RASGRF2: variants seen among roughly 807,000 people sequenced by gnomAD.
The protein encoded by RASGRF2 is Ras protein specific guanine nucleotide releasing factor 2, also known as ras-specific guanine nucleotide-releasing factor 2.
A neutral mutation model predicts 151.0 loss-of-function variants in RASGRF2; 76 were observed. That is an observed-to-expected ratio of 0.50 (90% CI 0.42 to 0.61). The LOEUF (loss-of-function observed/expected upper bound fraction) is 0.61. Among genes scored for constraint, RASGRF2 ranks in the 20% least tolerant of loss-of-function variants. The probability of loss-of-function intolerance (pLI) is 0.00; values close to 1 mark genes in which losing one functional copy is unlikely to be tolerated. For synonymous variants in RASGRF2, 504 were observed against 566.5 expected (o/e 0.89, Z 1.57); for missense variants, 1,148 against 1,564.6 (o/e 0.73, Z 4.49).
chr5:81,225,613 C>A, intron 26 of RASGRF2, 65 bp from the exon 27 acceptor site: 3 of 1,565,184 alleles, frequency 1.9e-6, no homozygotes, highest in Non-Finnish European at 2.6e-6. Flanking sequence ...TGTTAGATTC[C>A]GTCAGAAAAT....
rs1242027179 is a variant in RASGRF2 at position 81,229,697 on chromosome 5, A to C, written c.*3927A>C. On this transcript the variant is annotated 3_prime_UTR_variant, in exon 27 of 27. Coordinates refer to ENST00000265080, the MANE Select transcript of RASGRF2 (RefSeq NM_006909.3). The stretch of plus-strand genomic sequence containing the variant: ...TCATTTCATTTTTCACTAGAAAGCC[A>C]GTTATGAAAGAGAGCTGGCCTAGGC... 1 of 152,246 alleles carries C rather than the reference A, an allele frequency of 6.6e-6. No homozygotes were observed. 9.4% of individuals were successfully genotyped at this position (152,246 alleles called of 1,614,324 possible).
At chr5:81,093,023 C>T (rs1027952242) in intron 10 of RASGRF2, 62 bp downstream of exon 10, 17 of 1,457,696 alleles carry the variant, frequency 1.2e-5, no homozygotes, top group Non-Finnish European at 6.5e-6. Context: ...TTGAAGTTAA[C>T]TCATTTGAGA....
chr5:81,044,802 C>T (rs1055828931), intron 2 of RASGRF2, among the ~76,000 whole-genome samples: 1 of 152,058 alleles, frequency 6.6e-6, no homozygotes, highest in South Asian at 2.1e-4. Context: ...TTGTACTTAT[C>T]TTCGTTATCC....
At chr5:80,968,445 A>G (rs1445235262) in intron 1 of RASGRF2, among the ~76,000 whole-genome samples, 1 of 151,986 alleles carries the variant, frequency 6.6e-6, no homozygotes, top group Non-Finnish European at 1.5e-5. Context: ...TTTTTGGCAT[A>G]GCACTTTTTT....
intron 13 of RASGRF2, among the ~76,000 whole-genome samples, chr5:81,110,190 T>C (rs1274114899): frequency 6.6e-6 from 1 of 152,258 alleles, no homozygotes; most frequent in African/African-American, 2.4e-5. Flanking sequence ...GTCTTCTTAC[T>C]GACAGGGCGT....
chr5:81,171,399 C>T (rs1320454171), intron 17 of RASGRF2, among the ~76,000 whole-genome samples: 1 of 152,190 alleles, frequency 6.6e-6, no homozygotes, highest in Non-Finnish European at 1.5e-5. Flanking sequence ...TGGAGTGCGA[C>T]ATCTTATCCA....
intron 1 of RASGRF2, among the ~76,000 whole-genome samples, chr5:81,011,795 A>C (rs764163513): frequency 2.0e-5 from 3 of 151,740 alleles, no homozygotes; most frequent in Non-Finnish European, 4.4e-5. Context: ...TGGAATTGGC[A>C]TTTACATAAC....
intron 15 of RASGRF2, among the ~76,000 whole-genome samples, chr5:81,123,325 C>T (rs544403936): frequency 6.6e-5 from 10 of 152,246 alleles, no homozygotes; most frequent in Non-Finnish European, 1.3e-4. Context: ...TTTCCCCACT[C>T]AGAGAAAGCA....
In RASGRF2 at chr5:80,999,473, G is replaced by A. The variant is rs1749008429; in HGVS notation, c.288+38447G>A. The stretch of plus-strand genomic sequence containing the variant: ...TCCTTCCACTTCAGCCTCCTGAGTA[G>A]CTAGGACTACAGGTGCGTGCCACCA... On this transcript the variant is annotated intron_variant, in intron 1 of 26. Coordinates refer to ENST00000265080, the MANE Select transcript of RASGRF2 (RefSeq NM_006909.3). Among the ~76,000 whole-genome samples the A allele has an allele frequency of 2.6e-5, 4 of 152,154 alleles. No homozygotes were observed. The South Asian group carries it at 8.3e-4, about 32-fold the overall frequency.
At chr5:81,178,412 T>C (rs181921678) in intron 17 of RASGRF2, among the ~76,000 whole-genome samples, 1 of 152,302 alleles carries the variant, frequency 6.6e-6, no homozygotes, top group East Asian at 1.9e-4. Flanking sequence ...TTATTTATTT[T>C]TTGGACACAT....
chr5:81,078,675 T>A (rs1212313881), intron 5 of RASGRF2, among the ~76,000 whole-genome samples: 2 of 152,200 alleles, frequency 1.3e-5, no homozygotes, highest in African/African-American at 4.8e-5. Flanking sequence ...AGGTTTATAG[T>A]TAAGAAAATG....
At chr5:81,160,790 G>C (rs1448624941) in intron 17 of RASGRF2, among the ~76,000 whole-genome samples, 1 of 151,882 alleles carries the variant, frequency 6.6e-6, no homozygotes, top group East Asian at 1.9e-4. Context: ...AGGATGGCTT[G>C]AGGCCAGGTG....
At chr5:81,087,504 G>C in intron 9 of RASGRF2, 1 of 603,446 alleles carries the variant, frequency 1.7e-6, no homozygotes, top group Non-Finnish European at 3.0e-6. Flanking sequence ...TAATGCAGAA[G>C]CTGTCGTGTT....
At chr5:80,980,623 C>T (rs111543641) in intron 1 of RASGRF2, among the ~76,000 whole-genome samples, 1,620 of 151,954 alleles carry the variant, frequency 0.011, 44 homozygotes, top group African/African-American at 0.037. Flanking sequence ...GCCTGGGCGA[C>T]TGAGCCAGAC....
intron 2 of RASGRF2, among the ~76,000 whole-genome samples, chr5:81,056,506 C>T (rs1038571035): frequency 6.6e-6 from 1 of 152,092 alleles, no homozygotes; most frequent in Non-Finnish European, 1.5e-5. Flanking sequence ...TTTGTTATAA[C>T]TTCTGTTGTT....
At chr5:81,053,664 T>C (rs1385464135) in intron 2 of RASGRF2, among the ~76,000 whole-genome samples, 1 of 152,232 alleles carries the variant, frequency 6.6e-6, no homozygotes, top group Non-Finnish European at 1.5e-5. Context: ...CTAGGTCAAA[T>C]GGTATTTCTA....
chr5:81,228,419 AGT>A lies in RASGRF2; in HGVS notation c.*2652_*2653del. On this transcript the variant is annotated 3_prime_UTR_variant, in exon 27 of 27. Transcript: ENST00000265080. ...TTAAAAATCCCCAAGAGCAATTTGC[AGT>A]GTTTTTTCTGGTCGTTAAAGTACCC... 1 of 152,314 alleles carries A rather than the reference AGT, an allele frequency of 6.6e-6. No individual in the cohort carries two copies. The highest frequency in any genetic ancestry group is 2.1e-4 in the South Asian group (1 of 4,828). The allele number at this position is 152,314 out of a possible 1,614,324, so 9.4% of individuals were successfully genotyped here. A position where few individuals can be genotyped will look rare whatever the true frequency, so the allele number is the denominator to read the frequency against.
chr5:81,189,758 C>T (rs998983899), intron 18 of RASGRF2, among the ~76,000 whole-genome samples: 2 of 144,336 alleles, frequency 1.4e-5, no homozygotes, highest in Non-Finnish European at 1.5e-5. Context: ...TGTCTCCATG[C>T]TGGAGTTCAG....
intron 1 of RASGRF2, among the ~76,000 whole-genome samples, chr5:80,992,356 G>A (rs940916382): frequency 6.6e-5 from 10 of 152,124 alleles, no homozygotes; most frequent in Non-Finnish European, 7.3e-5. Flanking sequence ...GGGCATCAGT[G>A]GCCTTCACAT....
Sources: gnomAD v4.1 joint callset for allele counts (sites outside exome capture counted in the v4.1 genomes callset) on GRCh38, gnomAD v4.1.1 for gene constraint, MANE v1.5 for transcripts, NCBI Gene and HGNC (gene_info 2026-07-23, HGNC 2026-07-21) for gene names.